Variants in PRKG2 observed in about 807,000 individuals in gnomAD.
PRKG2 encodes the protein protein kinase cGMP-dependent 2.
A neutral mutation model predicts 97.2 loss-of-function variants in PRKG2; 33 were observed. The observed-to-expected ratio is 0.34, with a 90% CI of 0.26 to 0.45. The LOEUF (loss-of-function observed/expected upper bound fraction) is 0.45. Among genes scored for constraint, PRKG2 ranks in the 20% least tolerant of loss-of-function variants. The pLI is 1.00. For missense variants in PRKG2, 638 were observed against 900.0 expected (o/e 0.71, Z 3.73); for synonymous variants, 330 against 321.8 (o/e 1.03, Z -0.27).
intron 2 of PRKG2, among the ~76,000 whole-genome samples, chr4:81,180,797 T>TCC (rs1751339042): frequency 8.9e-6 from 1 of 111,756 alleles, no homozygotes; most frequent in South Asian, 2.6e-4. Flanking sequence ...ATTTTAAATA[T>TCC]CTCTTCAATA....
intron 17 of PRKG2, among the ~76,000 whole-genome samples, chr4:81,099,992 A>T (rs916935704): frequency 3.3e-5 from 5 of 152,194 alleles, no homozygotes; most frequent in Non-Finnish European, 5.9e-5. Context: ...AATACCCAGG[A>T]ATCCAACTTA....
chr4:81,095,379 C>T (rs190543718), intron 17 of PRKG2, among the ~76,000 whole-genome samples: 229 of 152,282 alleles, frequency 1.5e-3, no homozygotes, highest in African/African-American at 5.1e-3. Context: ...GACTGAGCCT[C>T]CACTTTTAGG....
intron 10 of PRKG2, among the ~76,000 whole-genome samples, chr4:81,143,974 G>T (rs1747551660): frequency 6.6e-6 from 1 of 152,014 alleles, no homozygotes; most frequent in Non-Finnish European, 1.5e-5. Flanking sequence ...CTTTTGTAAG[G>T]CCCTGGATTA....
chr4:81,094,736 G>A (rs1486621105), intron 17 of PRKG2, among the ~76,000 whole-genome samples: 1 of 151,992 alleles, frequency 6.6e-6, no homozygotes. Flanking sequence ...CTGTGGCAAA[G>A]CCCTTCCAGA....
chr4:81,095,728 G>T (rs143439145), intron 17 of PRKG2, among the ~76,000 whole-genome samples: 1 of 152,152 alleles, frequency 6.6e-6, no homozygotes, highest in African/African-American at 2.4e-5. Flanking sequence ...CACATAAACT[G>T]CTTCTTCATT....
intron 13 of PRKG2, among the ~76,000 whole-genome samples, chr4:81,135,801 G>T (rs530414381): frequency 1.3e-5 from 2 of 151,646 alleles, no homozygotes; most frequent in Non-Finnish European, 2.9e-5. Flanking sequence ...AGTCCCCTCT[G>T]TCAGCACTGT....
At chr4:81,175,077 G>C (rs1013976480) in intron 2 of PRKG2, 118 bp from the exon 3 acceptor site, 7 of 998,276 alleles carry the variant, frequency 7.0e-6, no homozygotes, top group Non-Finnish European at 9.7e-6. Flanking sequence ...TTTCTAGCAA[G>C]AACAACCTTT....
intron 14 of PRKG2, among the ~76,000 whole-genome samples, chr4:81,111,168 C>T (rs1743894420): frequency 6.6e-6 from 1 of 152,126 alleles, no homozygotes; most frequent in African/African-American, 2.4e-5. Flanking sequence ...CTGCACCCTA[C>T]ACATTTTGGC....
chr4:81,096,801 T>G (rs1377922901), intron 17 of PRKG2, among the ~76,000 whole-genome samples: 1 of 152,202 alleles, frequency 6.6e-6, no homozygotes, highest in African/African-American at 2.4e-5. Context: ...TCTAGTTCTA[T>G]TGATATTTCT....
At chr4:81,137,271 T>C (rs942766602) in intron 13 of PRKG2, 122 bp downstream of exon 13, 6 of 743,800 alleles carry the variant, frequency 8.1e-6, no homozygotes, top group African/African-American at 7.1e-5. Flanking sequence ...TCACTATTAC[T>C]ACTTTATTTT....
chr4:81,190,841 A>T (rs978704167), intron 2 of PRKG2, among the ~76,000 whole-genome samples: 3 of 152,232 alleles, frequency 2.0e-5, no homozygotes, highest in African/African-American at 7.2e-5. Context: ...AAAGCTCAAC[A>T]TCACTGGTCA....
At chr4:81,168,787 A>G (rs1487699200) in intron 5 of PRKG2, among the ~76,000 whole-genome samples, 1 of 152,088 alleles carries the variant, frequency 6.6e-6, no homozygotes, top group Non-Finnish European at 1.5e-5. Context: ...AGCCTACACT[A>G]TAAGCTAAGC....
intron 14 of PRKG2, among the ~76,000 whole-genome samples, chr4:81,125,190 TA>T (rs1745435929): frequency 6.6e-6 from 1 of 152,220 alleles, no homozygotes; most frequent in African/African-American, 2.4e-5. Flanking sequence ...AAAATCCATA[TA>T]TTTTTGGTGT....
intron 6 of PRKG2, among the ~76,000 whole-genome samples, chr4:81,160,396 G>T (rs1749510730): frequency 6.6e-6 from 1 of 152,072 alleles, no homozygotes; most frequent in Admixed American, 6.6e-5. Flanking sequence ...CAGGCATGGG[G>T]TCCAAAGATA....
intron 16 of PRKG2, among the ~76,000 whole-genome samples, chr4:81,104,746 C>T (rs560808690): frequency 7.9e-5 from 12 of 151,928 alleles, no homozygotes; most frequent in Admixed American, 3.9e-4. Flanking sequence ...CTGAGAAAAC[C>T]GGGGCAAGCT....
chr4:81,098,912 G>A (rs1449978554), intron 17 of PRKG2, among the ~76,000 whole-genome samples: 7 of 152,172 alleles, frequency 4.6e-5, no homozygotes, highest in Admixed American at 4.6e-4. Flanking sequence ...GGCCCTGATA[G>A]ACTTGCTTGA....
intron 2 of PRKG2, among the ~76,000 whole-genome samples, chr4:81,195,337 T>C (rs1752894114): frequency 6.6e-6 from 1 of 152,186 alleles, no homozygotes; most frequent in African/African-American, 2.4e-5. Flanking sequence ...GCCTGGCACC[T>C]AGAAACATGC....
At chr4:81,133,322 G>A (rs112081476) in intron 14 of PRKG2, among the ~76,000 whole-genome samples, 2,666 of 152,094 alleles carry the variant, frequency 0.018, 85 homozygotes, top group African/African-American at 0.061. Flanking sequence ...TATTTCTCCA[G>A]CAGTTTAATG....
intron 14 of PRKG2, among the ~76,000 whole-genome samples, chr4:81,119,025 G>A (rs1295822052): frequency 2.0e-5 from 3 of 152,280 alleles, no homozygotes; most frequent in South Asian, 4.2e-4. Flanking sequence ...TCAAACTCCT[G>A]AGCTCAAGTG....
Sources: allele counts gnomAD v4.1 joint callset (sites outside exome capture counted in the v4.1 genomes callset), GRCh38; gene constraint gnomAD v4.1.1; transcripts MANE v1.5; gene names NCBI Gene and HGNC (gene_info 2026-07-23, HGNC 2026-07-21).